The following MAP3K20 variants were observed in gnomAD, a reference collection of about 807,000 sequenced individuals.
MAP3K20 encodes the protein HCCS-4.
In MAP3K20, 40 loss-of-function variants were observed where a neutral mutation model predicts 85.7. The ratio of observed to expected loss-of-function variants is 0.47; its 90% CI spans 0.36 to 0.61. MAP3K20 has a LOEUF of 0.61. Among genes scored for constraint, MAP3K20 ranks in the 20% least tolerant of loss-of-function variants. The pLI, the probability that MAP3K20 is intolerant of heterozygous loss-of-function variation, is 0.00. For synonymous variants in MAP3K20, 325 were observed against 327.7 expected (o/e 0.99, Z 0.09); for missense variants, 817 against 961.7 (o/e 0.85, Z 1.99).
At chr2:173,191,240 G>A (rs1690640982) in intron 7 of MAP3K20, 63 bp downstream of exon 7, 8 of 1,530,866 alleles carry the variant, frequency 5.2e-6, no homozygotes, top group Non-Finnish European at 7.0e-6. Flanking sequence ...CTCAAAAGAA[G>A]AGAGATACAG....
At chr2:173,240,803 G>C (rs981192338) in intron 16 of MAP3K20, among the ~76,000 whole-genome samples, 2 of 152,188 alleles carry the variant, frequency 1.3e-5, no homozygotes, top group African/African-American at 2.4e-5. Flanking sequence ...ATATTGAAGA[G>C]ATATCTGTAC....
intron 16 of MAP3K20, among the ~76,000 whole-genome samples, chr2:173,248,526 G>A (rs947159251): frequency 6.6e-6 from 1 of 152,216 alleles, no homozygotes; most frequent in Non-Finnish European, 1.5e-5. Flanking sequence ...GTGTGGCAAT[G>A]TACTTTGTCA....
At chr2:173,148,638 C>T (rs1483159891) in intron 2 of MAP3K20, among the ~76,000 whole-genome samples, 3 of 152,178 alleles carry the variant, frequency 2.0e-5, no homozygotes, top group Admixed American at 6.5e-5. Context: ...AGCATCCCTT[C>T]CCTGCCTCCT....
At position 173,187,564 on chromosome 2, in the gene MAP3K20, A is replaced by G. The variant is rs1482299435; in HGVS notation, c.356A>G (p.His119Arg). Residue 119 changes from histidine (H) to arginine (R), a missense_variant, in exon 5 of 20, where the codon CAT becomes CGT. By Grantham distance (29) the His-to-Arg change is conservative. Coordinates refer to ENST00000375213, the MANE Select transcript of MAP3K20 (RefSeq NM_016653.3). Reference sequence around the variant, plus strand: ...TTTCTTCTTGTGTGAAAAGGAATGCATTATTTACATATGGAGGCTCCTGTC... The same window carrying G: ...TTTCTTCTTGTGTGAAAAGGAATGCGTTATTTACATATGGAGGCTCCTGTC... ...TWATDVAKGMHYLHMEAPVKV... is the reference protein window; with the variant it reads ...TWATDVAKGMRYLHMEAPVKV... 8 of 1,604,042 alleles carry G rather than the reference A, an allele frequency of 5.0e-6. No homozygotes were observed. The highest frequency in any genetic ancestry group is 1.3e-5 in the African/African-American group (1 of 74,268).
At chr2:173,193,223 T>C (rs1451429876) in intron 7 of MAP3K20, among the ~76,000 whole-genome samples, 26 of 152,214 alleles carry the variant, frequency 1.7e-4, no homozygotes, top group Admixed American at 1.7e-3. Context: ...ATGTTGGTTA[T>C]AGTTATTGTA....
At chr2:173,079,406 T>C (rs535447009) in intron 1 of MAP3K20, among the ~76,000 whole-genome samples, 1 of 152,214 alleles carries the variant, frequency 6.6e-6, no homozygotes, top group Non-Finnish European at 1.5e-5. Context: ...AGGACATCAC[T>C]GTACACTACT....
intron 2 of MAP3K20, among the ~76,000 whole-genome samples, chr2:173,163,962 CT>C (rs751198103): frequency 9.6e-4 from 138 of 143,566 alleles, no homozygotes; most frequent in East Asian, 2.4e-3. Context: ...TATTTCTTGA[CT>C]TTTTTTTTTT....
chr2:173,249,251 G>A (rs1017864201), intron 16 of MAP3K20, among the ~76,000 whole-genome samples: 4 of 152,172 alleles, frequency 2.6e-5, no homozygotes, highest in Admixed American at 6.5e-5. Flanking sequence ...AGCTTCTGAG[G>A]ATCACTGCAA....
At chr2:173,103,995 C>T (rs1426531463) in intron 2 of MAP3K20, among the ~76,000 whole-genome samples, 1 of 152,064 alleles carries the variant, frequency 6.6e-6, no homozygotes, top group African/African-American at 2.4e-5. Flanking sequence ...ATAAAAGATA[C>T]AAGGATTCAT....
upstream of MAP3K20, chr2:173,075,741 G>T: frequency 2.0e-6 from 2 of 985,320 alleles, no homozygotes; most frequent in Non-Finnish European, 2.4e-6. Context: ...GGCCAGGGAG[G>T]CCCGAGCGCC....
At chr2:173,193,635 C>T (rs3769167) in intron 7 of MAP3K20, among the ~76,000 whole-genome samples, 46,282 of 152,050 alleles carry the variant, frequency 0.3, 8,944 homozygotes, top group Non-Finnish European at 0.43. Flanking sequence ...GGATTTTTTT[C>T]CTGTATCATT....
At chr2:173,137,942 A>G (rs1165165676) in intron 2 of MAP3K20, among the ~76,000 whole-genome samples, 1 of 152,152 alleles carries the variant, frequency 6.6e-6, no homozygotes, top group African/African-American at 2.4e-5. Flanking sequence ...ATTTGAAAAG[A>G]CACGTAGATT....
intron 1 of MAP3K20, among the ~76,000 whole-genome samples, chr2:173,083,897 T>A (rs1353799418): frequency 6.6e-6 from 1 of 152,192 alleles, no homozygotes; most frequent in Non-Finnish European, 1.5e-5. Flanking sequence ...TTTTTCTTCC[T>A]ATATTGTATA....
At chr2:173,110,431 T>A (rs181742979) in intron 2 of MAP3K20, among the ~76,000 whole-genome samples, 1,594 of 149,974 alleles carry the variant, frequency 0.011, 19 homozygotes, top group Non-Finnish European at 8.9e-3. Context: ...TTAAAAAAAA[T>A]TTTTTTCCAT....
chr2:173,210,587 A>G lies in MAP3K20; in HGVS notation c.851+752A>G, dbSNP rs560901599. 4.6e-5 allele frequency: 7 copies of G among 152,350 alleles called. No individual in the cohort carries two copies. The East Asian group carries it at 1.2e-3, about 25-fold the overall frequency. 9.4% of individuals were successfully genotyped at this position (152,350 alleles called of 1,614,324 possible). A position where few individuals can be genotyped will look rare whatever the true frequency, so the allele number is the denominator to read the frequency against. ...AATCCTATTAAAGCTTGTTAAATAAATTTAGTAATGAGAAAATTGTATTGC... is the reference window on the plus strand; with the variant it reads ...AATCCTATTAAAGCTTGTTAAATAAGTTTAGTAATGAGAAAATTGTATTGC... On this transcript the variant is annotated intron_variant, in intron 10 of 19. Coordinates refer to ENST00000375213, the MANE Select transcript of MAP3K20 (RefSeq NM_016653.3).
At chr2:173,241,557 G>A (rs907312127) in intron 16 of MAP3K20, among the ~76,000 whole-genome samples, 1 of 152,168 alleles carries the variant, frequency 6.6e-6, no homozygotes, top group Non-Finnish European at 1.5e-5. Context: ...CAAGCCTGCA[G>A]TGAGCCAAAA....
intron 16 of MAP3K20, among the ~76,000 whole-genome samples, chr2:173,249,969 T>C (rs1685006287): frequency 6.6e-6 from 1 of 152,130 alleles, no homozygotes. Context: ...CAAAAGGCAA[T>C]ATAACAACCT....
chr2:173,204,303 C>G (rs1683592330), intron 9 of MAP3K20, among the ~76,000 whole-genome samples: 1 of 152,118 alleles, frequency 6.6e-6, no homozygotes, highest in Non-Finnish European at 1.5e-5. Flanking sequence ...AGAACCAAGA[C>G]ATACAGAGGT....
chr2:173,217,502 A>G (rs1346953138), intron 11 of MAP3K20, among the ~76,000 whole-genome samples: 1 of 152,224 alleles, frequency 6.6e-6, no homozygotes, highest in Non-Finnish European at 1.5e-5. Flanking sequence ...TTATTCTGTC[A>G]GTGTGTTTAT....
Sources: allele counts gnomAD v4.1 joint callset (sites outside exome capture counted in the v4.1 genomes callset), GRCh38; gene constraint gnomAD v4.1.1; transcripts MANE v1.5; gene names NCBI Gene and HGNC (gene_info 2026-07-23, HGNC 2026-07-21).